SLC4A5: variants seen among roughly 807,000 people sequenced by gnomAD.
SLC4A5 encodes the protein electrogenic sodium bicarbonate cotransporter 4.
A neutral mutation model predicts 120.4 loss-of-function variants in SLC4A5; 96 were observed. That is an observed-to-expected ratio of 0.80 (90% CI 0.68 to 0.94). The LOEUF is 0.94. SLC4A5 is among the 40% of genes least tolerant of loss of function. The probability of loss-of-function intolerance (pLI) is 0.00; values close to 1 mark genes in which losing one functional copy is unlikely to be tolerated. For synonymous variants in SLC4A5, 550 were observed against 571.1 expected (o/e 0.96, Z 0.53); for missense variants, 1,259 against 1,459.5 (o/e 0.86, Z 2.24).
chr2:74,304,070 C>T (rs1224319653), intron 7 of SLC4A5, among the ~76,000 whole-genome samples: 2 of 151,976 alleles, frequency 1.3e-5, no homozygotes, highest in Non-Finnish European at 1.5e-5. Flanking sequence ...GGGATGGTCT[C>T]GATCTCCTGA....
At chr2:74,326,412 G>C (rs989383506) in intron 5 of SLC4A5, among the ~76,000 whole-genome samples, 1 of 152,124 alleles carries the variant, frequency 6.6e-6, no homozygotes, top group Non-Finnish European at 1.5e-5. Flanking sequence ...TACAGTAAGG[G>C]AACACACAAA....
intron 17 of SLC4A5, among the ~76,000 whole-genome samples, chr2:74,249,845 C>T (rs1403515838): frequency 2.0e-5 from 3 of 152,186 alleles, no homozygotes; most frequent in Non-Finnish European, 4.4e-5. Flanking sequence ...TTGAAGGCCT[C>T]CATTGGAGAA....
At chr2:74,296,208 C>A (rs373637523) in intron 7 of SLC4A5, among the ~76,000 whole-genome samples, 36 of 151,962 alleles carry the variant, frequency 2.4e-4, no homozygotes, top group African/African-American at 8.5e-4. Context: ...TCGGGGCGAT[C>A]TTGGTTTTAA....
chr2:74,264,099 A>G (rs1671225481), intron 10 of SLC4A5, 48 bp downstream of exon 10: 1 of 1,586,084 alleles, frequency 6.3e-7, no homozygotes, highest in East Asian at 2.2e-5. Flanking sequence ...CCAGGGCCTG[A>G]TACTGGCCCT....
At chr2:74,299,527 T>C (rs1249865266) in intron 7 of SLC4A5, among the ~76,000 whole-genome samples, 2 of 152,166 alleles carry the variant, frequency 1.3e-5, no homozygotes, top group Non-Finnish European at 1.5e-5. Flanking sequence ...TCTTTTTCTT[T>C]ATAAATTACC....
chr2:74,249,848 T>C (rs569601048), intron 17 of SLC4A5, among the ~76,000 whole-genome samples: 4 of 152,314 alleles, frequency 2.6e-5, no homozygotes, highest in South Asian at 2.1e-4. Flanking sequence ...AAGGCCTCCA[T>C]TGGAGAAGAC....
At chr2:74,262,108 T>A (rs773305186) in intron 11 of SLC4A5, 29 bp downstream of exon 11, 1 of 1,601,950 alleles carries the variant, frequency 6.2e-7, no homozygotes, top group Non-Finnish European at 8.5e-7. Context: ...TGAATAAAGC[T>A]GCCACAGAGC....
chr2:74,241,997 A>G (rs1346987835), exon 20 of SLC4A5: 1 of 1,604,462 alleles, frequency 6.2e-7, no homozygotes, highest in Middle Eastern at 1.7e-4. Context: ...GACTTACCAG[A>G]GAAGCGTTGG....
At chr2:74,315,858 T>C (rs1475816355) in intron 5 of SLC4A5, among the ~76,000 whole-genome samples, 2 of 151,808 alleles carry the variant, frequency 1.3e-5, no homozygotes, top group Non-Finnish European at 2.9e-5. Flanking sequence ...ACACTAGGAC[T>C]GAAAAAGGGA....
At chr2:74,230,747 C>T (rs751205689) in intron 25 of SLC4A5, among the ~76,000 whole-genome samples, 3 of 152,112 alleles carry the variant, frequency 2.0e-5, no homozygotes, top group African/African-American at 4.8e-5. Flanking sequence ...CAGAAAACGG[C>T]GGTGACAGTG....
chr2:74,242,444 A>C (rs899182251), intron 19 of SLC4A5, among the ~76,000 whole-genome samples: 1 of 152,212 alleles, frequency 6.6e-6, no homozygotes, highest in Middle Eastern at 3.2e-3. Flanking sequence ...GCCCTATGCC[A>C]AGCCTTTACA....
rs1672124266 is a variant in SLC4A5 at position 74,290,478 on chromosome 2, G to C, written c.272-4576C>G. Reference sequence around the variant, plus strand: ...GAATGTGTGAAGGACTGGGGAGGTGGAGAGAGAGGCTATATGTAGAGAGAA... The same window carrying C: ...GAATGTGTGAAGGACTGGGGAGGTGCAGAGAGAGGCTATATGTAGAGAGAA... On this transcript the variant is annotated intron_variant, in intron 7 of 30. Coordinates refer to ENST00000394019, the Ensembl canonical transcript of SLC4A5. The C allele has an allele frequency of 3.0e-6, 3 of 985,444 alleles. No homozygotes were observed. In the South Asian group the frequency reaches 1.4e-4, roughly 46 times the overall value. The allele number at this position is 985,444 out of a possible 1,614,324, so 61.0% of individuals were successfully genotyped here. A position where few individuals can be genotyped will look rare whatever the true frequency, so the allele number is the denominator to read the frequency against.
intron 8 of SLC4A5, among the ~76,000 whole-genome samples, chr2:74,268,495 AT>A (rs1671373994): frequency 6.6e-6 from 1 of 152,236 alleles, no homozygotes. Flanking sequence ...ATGTACCATA[AT>A]TGATAGGAAC....
chr2:74,225,944 G>A lies in SLC4A5; in HGVS notation c.3091-949C>T, dbSNP rs183391842. The stretch of plus-strand genomic sequence containing the variant: ...GGGGTTATTAGTGCTTTGGGGGCTG[G>A]TGTGGACTCAGTGGAACAGTACTCA... On this transcript the variant is annotated intron_variant, in intron 27 of 30. Transcript: ENST00000394019. 1.6e-3 allele frequency among the ~76,000 whole-genome samples: 245 copies of A among 152,270 alleles called. 1 individual carries two copies. Among genetic ancestry groups the A allele is most frequent in the Middle Eastern group, 3.4e-3 (1 of 294 alleles).
At chr2:74,303,719 G>A (rs912540158) in intron 7 of SLC4A5, among the ~76,000 whole-genome samples, 10 of 152,178 alleles carry the variant, frequency 6.6e-5, no homozygotes, top group Non-Finnish European at 1.3e-4. Flanking sequence ...GCAAGCTACC[G>A]TGCAGGGTGA....
chr2:74,227,823 A>G, exon 26 of SLC4A5: 1 of 1,610,700 alleles, frequency 6.2e-7, no homozygotes, highest in South Asian at 1.1e-5. Context: ...GATGCCATTC[A>G]GGGAGGCCAC....
chr2:74,309,835 T>C (rs1672755082), intron 6 of SLC4A5, among the ~76,000 whole-genome samples: 1 of 151,892 alleles, frequency 6.6e-6, no homozygotes, highest in African/African-American at 2.4e-5. Context: ...TTTTTTTTTG[T>C]ATTTTTTTAG....
intron 27 of SLC4A5, among the ~76,000 whole-genome samples, chr2:74,226,144 G>T (rs1279645249): frequency 2.0e-5 from 3 of 152,212 alleles, no homozygotes; most frequent in Admixed American, 6.5e-5. Flanking sequence ...TTTCCCTAGA[G>T]ATTCTGATTT....
At chr2:74,281,427 T>C (rs1378839716) in intron 8 of SLC4A5, among the ~76,000 whole-genome samples, 1 of 152,154 alleles carries the variant, frequency 6.6e-6, no homozygotes, top group Non-Finnish European at 1.5e-5. Context: ...GAATTCTGGG[T>C]AAATAGTTTG....
Sources: allele counts gnomAD v4.1 joint callset (sites outside exome capture counted in the v4.1 genomes callset), GRCh38; gene constraint gnomAD v4.1.1; transcripts MANE v1.5; gene names NCBI Gene and HGNC (gene_info 2026-07-23, HGNC 2026-07-21).